The following NIBAN1 variants were observed in gnomAD, a reference collection of about 807,000 sequenced individuals.
NIBAN1 encodes the protein niban apoptosis regulator 1, also known as protein Niban 1.
NIBAN1 carries 81 observed loss-of-function variants against 75.1 expected under a neutral mutation model. The observed-to-expected ratio is 1.08, with a 90% CI of 0.90 to 1.30. The LOEUF is 1.30. Among genes scored for constraint, NIBAN1 ranks in the 50% most tolerant of loss-of-function variants. The pLI, the probability that NIBAN1 is intolerant of heterozygous loss-of-function variation, is 0.00. For synonymous variants in NIBAN1, 436 were observed against 424.8 expected, an observed-to-expected ratio of 1.03 and a Z score of -0.32; for missense variants, 1,133 against 1,128.1, an observed-to-expected ratio of 1.00 and a Z score of -0.06.
At chr1:184,864,656 T>C (rs1655901596) in intron 5 of NIBAN1, among the ~76,000 whole-genome samples, 1 of 152,008 alleles carries the variant, frequency 6.6e-6, no homozygotes, top group African/African-American at 2.4e-5. Context: ...TGAAAATAGA[T>C]GCATTAAAAA....
chr1:184,924,521 T>A (rs1467485847), intron 1 of NIBAN1, among the ~76,000 whole-genome samples: 1 of 152,192 alleles, frequency 6.6e-6, no homozygotes, highest in Non-Finnish European at 1.5e-5. Context: ...TTGATGTGTC[T>A]TTGTTTTTGG....
At chr1:184,879,978 C>T (rs1039154778) in intron 5 of NIBAN1, among the ~76,000 whole-genome samples, 8 of 152,192 alleles carry the variant, frequency 5.3e-5, no homozygotes, top group Admixed American at 1.3e-4. Flanking sequence ...CTACCGTTTT[C>T]AACCCGTGTG....
chr1:184,814,941 T>G (rs970135928), intron 9 of NIBAN1, among the ~76,000 whole-genome samples: 7 of 152,224 alleles, frequency 4.6e-5, no homozygotes, highest in African/African-American at 1.7e-4. Flanking sequence ...GCTTTTGTTA[T>G]TAAAGGTTCT....
chr1:184,886,809 A>C (rs143310134), intron 4 of NIBAN1, among the ~76,000 whole-genome samples: 2 of 152,270 alleles, frequency 1.3e-5, no homozygotes, highest in East Asian at 3.9e-4. Context: ...ACCACATGGG[A>C]GTCTACAGAA....
At chr1:184,810,351 A>G (rs1321790226) in intron 9 of NIBAN1, among the ~76,000 whole-genome samples, 1 of 152,216 alleles carries the variant, frequency 6.6e-6, no homozygotes, top group Non-Finnish European at 1.5e-5. Context: ...TTTCTGATTT[A>G]GTAGATCATT....
chr1:184,916,875 T>C (rs1435994992), intron 1 of NIBAN1, among the ~76,000 whole-genome samples: 1 of 152,164 alleles, frequency 6.6e-6, no homozygotes, highest in Non-Finnish European at 1.5e-5. Context: ...CCGATTTCCC[T>C]AACCCTAGAA....
rs1289729015 is a variant in NIBAN1 at position 184,823,306 on chromosome 1, C to T, written c.846G>A (p.Leu282=). Residue 282 remains leucine, a synonymous_variant, in exon 8 of 14, where the codon CTG becomes CTA. Transcript: ENST00000367511. Reference sequence around the variant, plus strand: ...ATCCTTCTGAAACTTGATGCTGAACCAGGGTGTAGGCCTCCTCGAGGAGCT... The same window carrying T: ...ATCCTTCTGAAACTTGATGCTGAACTAGGGTGTAGGCCTCCTCGAGGAGCT... ...WLGLLEEAYT[L]VQHQVSEGLS... 3 of 1,614,142 alleles carry T rather than the reference C, an allele frequency of 1.9e-6. No homozygotes were observed. Among genetic ancestry groups the T allele is most frequent in the Admixed American group, 1.7e-5 (1 of 60,016 alleles).
At chr1:184,900,722 T>A (rs1268738417) in intron 1 of NIBAN1, among the ~76,000 whole-genome samples, 1 of 152,138 alleles carries the variant, frequency 6.6e-6, no homozygotes, top group East Asian at 1.9e-4. Context: ...AGCATTCTCA[T>A]GCAGATTAGA....
At chr1:184,952,210 G>A (rs1658374500) in intron 1 of NIBAN1, among the ~76,000 whole-genome samples, 2 of 152,090 alleles carry the variant, frequency 1.3e-5, no homozygotes, top group Admixed American at 6.6e-5. Context: ...GATCAGCCTG[G>A]GCAACATAGC....
chr1:184,860,865 G>A (rs1655797891), intron 5 of NIBAN1, among the ~76,000 whole-genome samples: 1 of 152,140 alleles, frequency 6.6e-6, no homozygotes, highest in Non-Finnish European at 1.5e-5. Flanking sequence ...TTTGGAGAAA[G>A]TTTCTTGTCT....
At chr1:184,953,766 C>T (rs80290296) in intron 1 of NIBAN1, among the ~76,000 whole-genome samples, 2,200 of 152,290 alleles carry the variant, frequency 0.014, 47 homozygotes, top group African/African-American at 0.048. Flanking sequence ...GGAGGAAATG[C>T]TGAAACATGA....
chr1:184,822,224 G>A (rs1654720724), intron 8 of NIBAN1, among the ~76,000 whole-genome samples: 1 of 152,208 alleles, frequency 6.6e-6, no homozygotes, highest in African/African-American at 2.4e-5. Context: ...TAGGTCACTA[G>A]GTACGGGTGT....
intron 8 of NIBAN1, among the ~76,000 whole-genome samples, chr1:184,820,648 C>T (rs1174447246): frequency 6.6e-6 from 1 of 152,202 alleles, no homozygotes; most frequent in Non-Finnish European, 1.5e-5. Context: ...GTGTTTGATA[C>T]ATTAATTCAT....
intron 5 of NIBAN1, among the ~76,000 whole-genome samples, chr1:184,874,565 A>G (rs899994181): frequency 2.6e-5 from 4 of 152,112 alleles, no homozygotes; most frequent in Admixed American, 1.3e-4. Flanking sequence ...ATCTAGTAAC[A>G]TTACATATAT....
intron 2 of NIBAN1, 55 bp downstream of exon 2, chr1:184,899,124 G>A: frequency 2.5e-6 from 4 of 1,591,774 alleles, no homozygotes; most frequent in Non-Finnish European, 3.4e-6. Flanking sequence ...ATACGGCTGT[G>A]CTATATAGCC....
At chr1:184,845,463 C>CA (rs1655410948) in intron 5 of NIBAN1, among the ~76,000 whole-genome samples, 1 of 152,096 alleles carries the variant, frequency 6.6e-6, no homozygotes, top group Non-Finnish European at 1.5e-5. Context: ...ACTTTAACTG[C>CA]AAAAAGCAGA....
intron 5 of NIBAN1, among the ~76,000 whole-genome samples, chr1:184,874,366 T>C (rs1656181707): frequency 6.6e-6 from 1 of 152,064 alleles, no homozygotes; most frequent in Non-Finnish European, 1.5e-5. Context: ...TTAACGATGA[T>C]GATATATCCT....
chr1:184,817,710 G>A (rs1032380573), intron 9 of NIBAN1, among the ~76,000 whole-genome samples: 18 of 152,168 alleles, frequency 1.2e-4, no homozygotes, highest in African/African-American at 1.7e-4. Flanking sequence ...GCAAAAAGGG[G>A]GGAATTGTTA....
intron 1 of NIBAN1, among the ~76,000 whole-genome samples, chr1:184,967,057 G>A (rs75339668): frequency 0.042 from 6,433 of 152,214 alleles, 253 homozygotes; most frequent in Non-Finnish European, 0.056. Context: ...CAGTACCAAG[G>A]TAGGGGGCAC....
Sources: gnomAD v4.1 joint callset for allele counts (sites outside exome capture counted in the v4.1 genomes callset) on GRCh38, gnomAD v4.1.1 for gene constraint, MANE v1.5 for transcripts, NCBI Gene and HGNC (gene_info 2026-07-23, HGNC 2026-07-21) for gene names.